FOXP1: variants seen among roughly 807,000 people sequenced by gnomAD.
The protein encoded by FOXP1 is forkhead box P1.
In FOXP1, 15 loss-of-function variants were observed where a neutral mutation model predicts 98.2. The observed-to-expected ratio is 0.15, with a 90% confidence interval of 0.10 to 0.24. The LOEUF (loss-of-function observed/expected upper bound fraction) is 0.24. FOXP1 is among the 10% of genes least tolerant of loss of function. The pLI, the probability that FOXP1 is intolerant of heterozygous loss-of-function variation, is 1.00. For missense variants in FOXP1, 633 were observed against 848.5 expected (o/e 0.75, Z 3.15); for synonymous variants, 371 against 314.5 (o/e 1.18, Z -1.90).
chr3:71,294,984 T>A (rs1276732484), intron 5 of FOXP1, among the ~76,000 whole-genome samples: 1 of 152,194 alleles, frequency 6.6e-6, no homozygotes, highest in Non-Finnish European at 1.5e-5. Context: ...GGTCTGGTTG[T>A]TTCACGAGAG....
At chr3:70,988,564 C>T (rs940418697) in intron 13 of FOXP1, among the ~76,000 whole-genome samples, 2 of 152,242 alleles carry the variant, frequency 1.3e-5, no homozygotes, top group Non-Finnish European at 2.9e-5. Flanking sequence ...AGGCCAGGAG[C>T]AGGCTCCAAG....
intron 4 of FOXP1, among the ~76,000 whole-genome samples, chr3:71,348,851 T>C (rs189071377): frequency 2.0e-4 from 30 of 152,242 alleles, no homozygotes; most frequent in Admixed American, 1.5e-3. Flanking sequence ...TAGGCAGAGA[T>C]GAACATGGAA....
chr3:71,541,024 G>T (rs2044763199), intron 2 of FOXP1, among the ~76,000 whole-genome samples: 1 of 152,212 alleles, frequency 6.6e-6, no homozygotes, highest in Non-Finnish European at 1.5e-5. Flanking sequence ...CAGCCACTGA[G>T]GCAATGCTGG....
At chr3:71,119,863 T>C (rs576969840) in intron 6 of FOXP1, among the ~76,000 whole-genome samples, 3 of 152,332 alleles carry the variant, frequency 2.0e-5, no homozygotes, top group East Asian at 1.9e-4. Flanking sequence ...ACAGAGTCAA[T>C]AGTATTCCAA....
At position 71,249,463 on chromosome 3, in the gene FOXP1, G is replaced by A. The variant is rs368438632; in HGVS notation, c.-12+50357C>T. Among the ~76,000 whole-genome samples, 54 of 152,304 alleles carry A rather than the reference G, an allele frequency of 3.5e-4. No individual in the cohort carries two copies. The South Asian group carries it at 0.011, about 31-fold the overall frequency. ...TTTACAATTGCCTTGCAAAATGCAG[G>A]CTGTTATTATTTCCATTTTGAAAAT... On this transcript the variant is annotated intron_variant, in intron 5 of 20. Transcript: ENST00000649528.
At chr3:71,432,217 G>A (rs113051935) in intron 3 of FOXP1, among the ~76,000 whole-genome samples, 2,211 of 152,308 alleles carry the variant, frequency 0.015, 66 homozygotes, top group African/African-American at 0.05. Flanking sequence ...ACTGTGGTGT[G>A]CATAGACTTC....
At chr3:71,076,575 A>G (rs2053830728) in intron 7 of FOXP1, among the ~76,000 whole-genome samples, 1 of 152,224 alleles carries the variant, frequency 6.6e-6, no homozygotes, top group African/African-American at 2.4e-5. Flanking sequence ...GAGTCAGAAT[A>G]CCAGAGAATG....
At chr3:71,546,991 ATTGC>A (rs2045415058) in intron 2 of FOXP1, among the ~76,000 whole-genome samples, 1 of 152,214 alleles carries the variant, frequency 6.6e-6, no homozygotes, top group African/African-American at 2.4e-5. Flanking sequence ...AAGGAAGGCA[ATTGC>A]TTGCTACGAA....
At chr3:71,259,078 G>C (rs2068878520) in intron 5 of FOXP1, among the ~76,000 whole-genome samples, 2 of 152,190 alleles carry the variant, frequency 1.3e-5, no homozygotes, top group South Asian at 2.1e-4. Context: ...CTGGGAGGCA[G>C]AGGTGCAGTG....
chr3:71,581,264 G>C, intron 2 of FOXP1: 1 of 985,336 alleles, frequency 1.0e-6, no homozygotes, highest in Non-Finnish European at 1.2e-6. Flanking sequence ...GTGAGAAGGG[G>C]GGCGAGGATG....
chr3:71,180,997 G>T (rs188594394), intron 6 of FOXP1, among the ~76,000 whole-genome samples: 16 of 152,178 alleles, frequency 1.1e-4, no homozygotes, highest in Non-Finnish European at 2.4e-4. Context: ...TTGCCCACAA[G>T]AACCGGTTCC....
chr3:71,573,197 A>C (rs1351702739), intron 2 of FOXP1, among the ~76,000 whole-genome samples: 1 of 152,246 alleles, frequency 6.6e-6, no homozygotes, highest in Non-Finnish European at 1.5e-5. Flanking sequence ...AAGCAAACAC[A>C]GAAATGAGAT....
At chr3:71,392,724 C>G (rs2081121309) in intron 3 of FOXP1, among the ~76,000 whole-genome samples, 1 of 152,198 alleles carries the variant, frequency 6.6e-6, no homozygotes, top group East Asian at 1.9e-4. Flanking sequence ...TTGCAATGCA[C>G]TTGGCCTAGG....
At chr3:71,398,049 T>A (rs59543154) in intron 3 of FOXP1, among the ~76,000 whole-genome samples, 7,446 of 152,232 alleles carry the variant, frequency 0.049, 592 homozygotes, top group African/African-American at 0.17. Context: ...GATACAACCA[T>A]TTTCTTTTTT....
At chr3:71,519,892 C>T (rs1047841263) in intron 2 of FOXP1, among the ~76,000 whole-genome samples, 4 of 152,216 alleles carry the variant, frequency 2.6e-5, no homozygotes, top group Non-Finnish European at 5.9e-5. Flanking sequence ...GGGGCCAGTC[C>T]CTGCTGAATG....
intron 12 of FOXP1, among the ~76,000 whole-genome samples, chr3:71,006,403 C>T (rs1185222353): frequency 2.0e-5 from 3 of 152,062 alleles, no homozygotes; most frequent in East Asian, 1.9e-4. Context: ...ACCCAGGTAC[C>T]GCAGGTGATA....
chr3:71,280,506 T>C (rs2071421898), intron 5 of FOXP1, among the ~76,000 whole-genome samples: 2 of 152,022 alleles, frequency 1.3e-5, no homozygotes, highest in Non-Finnish European at 2.9e-5. Flanking sequence ...CTATTTTTAG[T>C]AGAGACAGGG....
At chr3:71,397,717 T>C (rs1183256121) in intron 3 of FOXP1, among the ~76,000 whole-genome samples, 3 of 152,178 alleles carry the variant, frequency 2.0e-5, no homozygotes, top group Non-Finnish European at 4.4e-5. Context: ...ACCAAAGCTC[T>C]CACTGATTTC....
At chr3:70,982,352 T>C (rs1216772073) in intron 14 of FOXP1, among the ~76,000 whole-genome samples, 1 of 152,182 alleles carries the variant, frequency 6.6e-6, no homozygotes, top group Non-Finnish European at 1.5e-5. Context: ...TAAAAGATAA[T>C]TTTTTCTGGG....
Sources: gnomAD v4.1 joint callset for allele counts (sites outside exome capture counted in the v4.1 genomes callset) on GRCh38, gnomAD v4.1.1 for gene constraint, MANE v1.5 for transcripts, NCBI Gene and HGNC (gene_info 2026-07-23, HGNC 2026-07-21) for gene names.